Variants in CCNE2 observed in about 807,000 individuals in gnomAD.
CCNE2 encodes G1/S-specific cyclin-E2.
Under a neutral mutation model 56.8 loss-of-function variants are expected in CCNE2, and 18 were observed. That is an observed-to-expected ratio of 0.32 (90% confidence interval 0.22 to 0.47). The LOEUF (loss-of-function observed/expected upper bound fraction) is 0.47, where lower values mean the gene tolerates loss of function less well. Ranked by LOEUF, CCNE2 falls within the 20% of genes least tolerant of loss-of-function variation. CCNE2 has a pLI of 1.00. For synonymous variants in CCNE2, 139 were observed against 149.2 expected, an observed-to-expected ratio of 0.93 and a Z score of 0.50; for missense variants, 371 against 467.1, an observed-to-expected ratio of 0.79 and a Z score of 1.90.
rs1157683546 is a variant in CCNE2, at chr8:94,895,196, C to T, written c.-46G>A. ...CCTCACCGCCAGACCAGCTACCGCT[C>T]GGCTCAGCTGGCGCCGGCGCCAACC... On this transcript the variant is annotated 5_prime_UTR_variant, in exon 1 of 12. Coordinates refer to ENST00000308108, the MANE Select transcript of CCNE2 (RefSeq NM_057749.3). The T allele has an allele frequency of 4.1e-6, 4 of 985,838 alleles. No homozygotes were observed. The highest frequency in any genetic ancestry group is 6.1e-5 in the Admixed American group (1 of 16,270). 61.1% of individuals were successfully genotyped at this position (985,838 alleles called of 1,614,324 possible). A position where few individuals can be genotyped will look rare whatever the true frequency, so the allele number is the denominator to read the frequency against.
chr8:94,896,483 C>G (rs1314690254), upstream of CCNE2: 2 of 152,244 alleles, frequency 1.3e-5, no homozygotes, highest in Non-Finnish European at 2.9e-5. Context: ...GTCAGACTTG[C>G]GGCGGGTATT....
At position 94,891,957 on chromosome 8, in the gene CCNE2, G is replaced by A. The variant is rs545790022; in HGVS notation, c.317+861C>T. 15 of 1,095,888 alleles carry A rather than the reference G, an allele frequency of 1.4e-5. No homozygotes were observed. The East Asian group carries it at 3.0e-4, about 22-fold the overall frequency. The allele number at this position is 1,095,888 out of a possible 1,614,324, so 67.9% of individuals were successfully genotyped here. ...AACGGACCTACAGAGCTCATGGTCG[G>A]ATTAACTCACACGTGATCTCTCCCT... On this transcript the variant is annotated intron_variant, in intron 5 of 11. Transcript: ENST00000308108.
Position 94,885,454 on chromosome 8 carries a change from T to A in CCNE2, c.696+9A>T. ...TTTTTTGCAACTAGGAAAACATAAT[T>A]ATTATTACCTTTAATATAATGAGTT... On this transcript the variant is annotated intron_variant, in intron 8 of 11. Transcript: ENST00000308108. The A allele has an allele frequency of 6.7e-7, 1 of 1,502,140 alleles. No homozygotes were observed. Among genetic ancestry groups the A allele is most frequent in the Non-Finnish European group, 9.1e-7 (1 of 1,094,870 alleles). The allele number at this position is 1,502,140 out of a possible 1,614,324, so 93.1% of individuals were successfully genotyped here.
rs1472237603 is a variant in CCNE2 at position 94,882,653 on chromosome 8, T to A, written c.943+128A>T. 10 of 669,084 alleles carry A rather than the reference T, an allele frequency of 1.5e-5. No individual in the cohort carries two copies. The East Asian group carries it at 2.6e-4, about 17-fold the overall frequency. 41.4% of individuals were successfully genotyped at this position (669,084 alleles called of 1,614,324 possible). A position where few individuals can be genotyped will look rare whatever the true frequency, so the allele number is the denominator to read the frequency against. On this transcript the variant is annotated intron_variant, in intron 10 of 11. Transcript: ENST00000308108. Reference sequence around the variant, plus strand: ...GAAAGTACTTCTAACAGAAAGATAATTACTGAACAGCTAATTTTTTTTTTG... The same window carrying A: ...GAAAGTACTTCTAACAGAAAGATAAATACTGAACAGCTAATTTTTTTTTTG...
chr8:94,883,535 ACCTT>A (rs765901528), intron 9 of CCNE2, among the ~76,000 whole-genome samples: 3 of 152,212 alleles, frequency 2.0e-5, no homozygotes, highest in Non-Finnish European at 2.9e-5. Flanking sequence ...AATAAGGAGT[ACCTT>A]CATTTCTTAT....
At chr8:94,892,686 CAT>C (rs1174410339) in intron 5 of CCNE2, 130 bp downstream of exon 5, 13 of 509,676 alleles carry the variant, frequency 2.6e-5, no homozygotes, top group East Asian at 7.1e-5. Flanking sequence ...GATAAAATGA[CAT>C]ATGATTAAAT....
intron 5 of CCNE2, among the ~76,000 whole-genome samples, chr8:94,892,382 C>T (rs1219842252): frequency 3.9e-5 from 6 of 152,096 alleles, no homozygotes; most frequent in Admixed American, 3.9e-4. Context: ...TAAGCTGTAC[C>T]TCTTAGTTAC....
chr8:94,890,237 T>G (rs765545742), intron 6 of CCNE2, among the ~76,000 whole-genome samples, 178 bp downstream of exon 6: 28 of 152,204 alleles, frequency 1.8e-4, no homozygotes, highest in Non-Finnish European at 3.7e-4. Flanking sequence ...TTTGTCATGG[T>G]TTTACTCTTA....
chr8:94,882,912 T>C lies in CCNE2; in HGVS notation c.832-20A>G, dbSNP rs1021403428. ...TAAAAGCTAACAGGAAAAACAAAAG[T>C]ACAAGCAATTTAGGAGAAAGATGAG... On this transcript the variant is annotated intron_variant, in intron 9 of 11. Transcript: ENST00000308108. The C allele has an allele frequency of 2.0e-6, 3 of 1,478,476 alleles. No homozygotes were observed. In the African/African-American group the frequency reaches 4.2e-5, roughly 20 times the overall value. 91.6% of individuals were successfully genotyped at this position (1,478,476 alleles called of 1,614,324 possible). A position where few individuals can be genotyped will look rare whatever the true frequency, so the allele number is the denominator to read the frequency against.
In CCNE2 at chr8:94,885,047, A is replaced by G; in HGVS notation, c.831+20T>C. The G allele has an allele frequency of 6.2e-7, 1 of 1,607,008 alleles. No homozygotes were observed. The highest frequency in any genetic ancestry group is 1.1e-5 in the South Asian group (1 of 90,702). ...CTGTAATTAATAACATTACCATTGAATCAATAAAAATGTCAGTACCTGAGC... is the reference window on the plus strand; with the variant it reads ...CTGTAATTAATAACATTACCATTGAGTCAATAAAAATGTCAGTACCTGAGC... On this transcript the variant is annotated intron_variant, in intron 9 of 11. Coordinates refer to ENST00000308108, the MANE Select transcript of CCNE2 (RefSeq NM_057749.3).
rs1346661325 is a variant in CCNE2 at position 94,888,078 on chromosome 8, A to C, written c.454-5T>G. On this transcript the variant is annotated splice_region_variant and splice_polypyrimidine_tract_variant and intron_variant, in intron 6 of 11. Transcript: ENST00000308108. ...AAGTGTGTATACTTCACATACCTAG[A>C]GAAGAATCCAAACATTTAAATATTA... 4 of 1,528,550 alleles carry C rather than the reference A, an allele frequency of 2.6e-6. No individual in the cohort carries two copies. The highest frequency in any genetic ancestry group is 3.5e-6 in the Non-Finnish European group (4 of 1,137,682). 94.7% of individuals were successfully genotyped at this position (1,528,550 alleles called of 1,614,324 possible). A position where few individuals can be genotyped will look rare whatever the true frequency, so the allele number is the denominator to read the frequency against.
At chr8:94,882,663 G>C in intron 10 of CCNE2, 118 bp downstream of exon 10, 1 of 702,834 alleles carries the variant, frequency 1.4e-6, no homozygotes, top group Non-Finnish European at 2.5e-6. Flanking sequence ...TTACTGAACA[G>C]CTAATTTTTT....
intron 5 of CCNE2, chr8:94,892,080 G>C (rs373555748): frequency 6.0e-6 from 4 of 663,410 alleles, no homozygotes; most frequent in African/African-American, 5.4e-5. Flanking sequence ...AGAAACTGAA[G>C]AAACAAAAAC....
At chr8:94,891,213 T>C (rs1817227544) in intron 5 of CCNE2, 1 of 161,306 alleles carries the variant, frequency 6.2e-6, no homozygotes, top group Admixed American at 6.3e-5. Context: ...GCTTTTCCCA[T>C]AAGTGGTCTG....
At chr8:94,895,489 G>C (rs1817469807), upstream of CCNE2, among the ~76,000 whole-genome samples, 2 of 152,128 alleles carry the variant, frequency 1.3e-5, no homozygotes, top group Admixed American at 1.3e-4. Context: ...CGCCTGGCTC[G>C]CGCATCTCCC....
chr8:94,887,333 C>G (rs906529228), intron 7 of CCNE2, among the ~76,000 whole-genome samples: 4 of 151,998 alleles, frequency 2.6e-5, no homozygotes, highest in African/African-American at 9.7e-5. Context: ...GGTGAAACCC[C>G]ATCTCTACTA....
At chr8:94,887,494 G>C (rs916432906) in intron 7 of CCNE2, among the ~76,000 whole-genome samples, 2 of 151,624 alleles carry the variant, frequency 1.3e-5, no homozygotes, top group African/African-American at 4.8e-5. Flanking sequence ...AAAAGAGTGA[G>C]ACTTCGTCTC....
At chr8:94,887,248 G>A (rs573850379) in intron 7 of CCNE2, among the ~76,000 whole-genome samples, 1 of 152,300 alleles carries the variant, frequency 6.6e-6, no homozygotes, top group African/African-American at 2.4e-5. Context: ...GCTCATGCCT[G>A]TAGTCCCAGC....
intron 9 of CCNE2, chr8:94,883,997 T>C: frequency 2.3e-6 from 1 of 439,756 alleles, no homozygotes; most frequent in South Asian, 1.6e-5. Context: ...ATCAAAGATT[T>C]ACCATCACTA....
Sources: gnomAD v4.1 joint callset for allele counts (sites outside exome capture counted in the v4.1 genomes callset) on GRCh38, gnomAD v4.1.1 for gene constraint, MANE v1.5 for transcripts, NCBI Gene and HGNC (gene_info 2026-07-23, HGNC 2026-07-21) for gene names.